TMEM236: variants seen among roughly 807,000 people sequenced by gnomAD.
The protein encoded by TMEM236 is family with sequence similarity 23, member A.
TMEM236 carries 11 observed loss-of-function variants against 14.7 expected under a neutral mutation model. The observed-to-expected ratio is 0.75, with a 90% confidence interval of 0.47 to 1.24. The LOEUF (loss-of-function observed/expected upper bound fraction) is 1.24. Among genes scored for constraint, TMEM236 ranks in the 50% most tolerant of loss-of-function variants. The probability of loss-of-function intolerance (pLI) is 0.00; values close to 1 mark genes in which losing one functional copy is unlikely to be tolerated. For missense variants in TMEM236, 464 were observed against 427.3 expected (o/e 1.09, Z -0.76); for synonymous variants, 182 against 168.6 (o/e 1.08, Z -0.62).
intron 3 of TMEM236, among the ~76,000 whole-genome samples, chr10:17,789,664 T>A (rs1837890685): frequency 1.3e-5 from 2 of 152,128 alleles, no homozygotes; most frequent in Non-Finnish European, 2.9e-5. Flanking sequence ...AAGGATCGCT[T>A]GAGGCCAGGT....
chr10:17,766,206 G>A (rs1837460605), intron 1 of TMEM236, among the ~76,000 whole-genome samples: 1 of 152,124 alleles, frequency 6.6e-6, no homozygotes, highest in Non-Finnish European at 1.5e-5. Flanking sequence ...CAGCAGGGAG[G>A]AAACAGGCTG....
In TMEM236 at chr10:17,776,026, CA is replaced by C; in HGVS notation, c.331-2del. 2 of 1,613,834 alleles carry C rather than the reference CA, an allele frequency of 1.2e-6. No individual in the cohort carries two copies. The highest frequency in any genetic ancestry group is 3.3e-5 in the Admixed American group (2 of 60,002). On this transcript the variant is annotated splice_acceptor_variant, in intron 2 of 3. Coordinates refer to ENST00000377495, the MANE Select transcript of TMEM236 (RefSeq NM_001098844.3). LOFTEE classifies it high-confidence loss of function. The stretch of plus-strand genomic sequence containing the variant: ...ATGCTTGTAAATGGTTTTCTCTAAA[CA>C]GGTTCAAAAGAGCATTAATGGGTCC...
chr10:17,752,257 A>G lies in TMEM236; in HGVS notation c.-39A>G, dbSNP rs1837220207. On this transcript the variant is annotated 5_prime_UTR_variant, in exon 1 of 4. Transcript: ENST00000377495. ...GTCCATATGCTGCCCACAGTCAAAG[A>G]GGGAGTCCCAGGTTCTTGGCAGCTT... is the stretch of plus-strand genomic sequence containing the variant. The G allele has an allele frequency of 6.2e-7, 1 of 1,613,810 alleles. No homozygotes were observed.
chr10:17,787,528 A>G (rs1554835802), intron 3 of TMEM236, among the ~76,000 whole-genome samples: 1 of 152,214 alleles, frequency 6.6e-6, no homozygotes, highest in Non-Finnish European at 1.5e-5. Context: ...CCGAGCTTTC[A>G]TGCTTTGGCT....
At position 17,796,303 on chromosome 10, in the gene TMEM236, A is replaced by G. The variant is rs1838014128; in HGVS notation, c.855A>G (p.Gln285=). The change falls in exon 4 of 4, where the codon CAA becomes CAG. Residue 285 remains glutamine (Q), a synonymous_variant. Coordinates refer to ENST00000377495, the MANE Select transcript of TMEM236 (RefSeq NM_001098844.3). ...TCCTTCGAATTACATTCACTCCCCA[A>G]AACCCTCTTCTCAATTCCCTGAGCG... The part of the protein sequence containing the change: ...ISLLRITFTP[Q]NPLLNSLSVL... 1 of 1,613,722 alleles carries G rather than the reference A, an allele frequency of 6.2e-7. No homozygotes were observed. Among genetic ancestry groups the G allele is most frequent in the African/African-American group, 1.3e-5 (1 of 74,854 alleles).
chr10:17,768,093 T>TTG (rs1404570285), intron 1 of TMEM236, among the ~76,000 whole-genome samples: 1 of 131,582 alleles, frequency 7.6e-6, no homozygotes, highest in African/African-American at 2.9e-5. Flanking sequence ...GTGGTTTTTT[T>TTG]TTTTTTTTTT....
intron 1 of TMEM236, among the ~76,000 whole-genome samples, chr10:17,763,450 C>T (rs1171485444): frequency 6.6e-6 from 1 of 152,116 alleles, no homozygotes; most frequent in Non-Finnish European, 1.5e-5. Flanking sequence ...AAAGAAAACC[C>T]TCAATGCTGA....
At chr10:17,780,834 G>T (rs1837735768) in intron 3 of TMEM236, among the ~76,000 whole-genome samples, 3 of 152,248 alleles carry the variant, frequency 2.0e-5, no homozygotes, top group African/African-American at 7.2e-5. Context: ...AGACAGAGGG[G>T]CTCCTAAATG....
chr10:17,787,232 T>C (rs1401459881), intron 3 of TMEM236, among the ~76,000 whole-genome samples: 1 of 152,236 alleles, frequency 6.6e-6, no homozygotes, highest in African/African-American at 2.4e-5. Flanking sequence ...CCAAGCACTG[T>C]GGACTGTGCC....
chr10:17,793,574 A>T (rs1589154075), intron 3 of TMEM236, among the ~76,000 whole-genome samples: 2 of 152,078 alleles, frequency 1.3e-5, no homozygotes, highest in South Asian at 4.2e-4. Context: ...ACCTCCTCCT[A>T]CCGGGTTCAA....
At chr10:17,784,539 C>G (rs1355940574) in intron 3 of TMEM236, among the ~76,000 whole-genome samples, 1 of 152,144 alleles carries the variant, frequency 6.6e-6, no homozygotes, top group Non-Finnish European at 1.5e-5. Flanking sequence ...GCTTCTCATC[C>G]TTGGCTGTAC....
At chr10:17,756,749 T>A (rs1304182836) in intron 1 of TMEM236, among the ~76,000 whole-genome samples, 2 of 152,240 alleles carry the variant, frequency 1.3e-5, no homozygotes, top group African/African-American at 4.8e-5. Context: ...TGGGTACTTC[T>A]AGCCACTGTC....
intron 1 of TMEM236, among the ~76,000 whole-genome samples, chr10:17,753,555 A>T (rs1018279571): frequency 6.6e-6 from 1 of 152,132 alleles, no homozygotes. Context: ...AGCTCCATCC[A>T]TGTCCCTGCA....
chr10:17,772,017 T>A (rs1554834883), intron 2 of TMEM236, among the ~76,000 whole-genome samples: 1 of 152,226 alleles, frequency 6.6e-6, no homozygotes, highest in African/African-American at 2.4e-5. Context: ...GCATACTTAA[T>A]TTACTAAATT....
At chr10:17,773,121 C>T (rs990913873) in intron 2 of TMEM236, among the ~76,000 whole-genome samples, 67 of 152,240 alleles carry the variant, frequency 4.4e-4, no homozygotes, top group African/African-American at 1.4e-3. Context: ...ACAGAGAATG[C>T]GGCAGTGAAC....
chr10:17,757,309 C>G (rs2131739684), intron 1 of TMEM236, among the ~76,000 whole-genome samples: 1 of 152,266 alleles, frequency 6.6e-6, no homozygotes, highest in African/African-American at 2.4e-5. Flanking sequence ...ATAAAGCTAG[C>G]AAGTGGAGCC....
chr10:17,760,828 C>G (rs1049043721), intron 1 of TMEM236, among the ~76,000 whole-genome samples: 12,592 of 152,156 alleles, frequency 0.083, 829 homozygotes, highest in East Asian at 0.2. Flanking sequence ...ATGTGCAGGG[C>G]AACTCCCCTT....
chr10:17,780,683 G>A (rs1837732209), intron 3 of TMEM236, among the ~76,000 whole-genome samples: 1 of 152,158 alleles, frequency 6.6e-6, no homozygotes. Flanking sequence ...AAATGAAGCA[G>A]TGTTGTTGTC....
intron 2 of TMEM236, among the ~76,000 whole-genome samples, chr10:17,772,599 TCTTA>T (rs1487296310): frequency 6.6e-6 from 1 of 152,146 alleles, no homozygotes; most frequent in Admixed American, 6.5e-5. Flanking sequence ...TTCCTTTTTT[TCTTA>T]CTTAATTTTC....
Sources: gnomAD v4.1 joint callset for allele counts (sites outside exome capture counted in the v4.1 genomes callset) on GRCh38, gnomAD v4.1.1 for gene constraint, MANE v1.5 for transcripts, NCBI Gene and HGNC (gene_info 2026-07-23, HGNC 2026-07-21) for gene names.